Variants in ZNF626 observed in about 807,000 individuals in gnomAD.
The protein encoded by ZNF626 is CTC-513N18.7.
ZNF626 carries 4 observed loss-of-function variants against 11.7 expected under a neutral mutation model. That is an observed-to-expected ratio of 0.34 (90% CI 0.17 to 0.78). ZNF626 has a LOEUF of 0.78. Among genes scored for constraint, ZNF626 ranks in the 30% least tolerant of loss-of-function variants. The pLI is 0.57. For missense variants in ZNF626, 588 were observed against 587.1 expected (o/e 1.00, Z -0.01); for synonymous variants, 179 against 198.6 (o/e 0.90, Z 0.83).
In ZNF626 at chr19:20,625,563, T is replaced by G. The variant is rs782741617; in HGVS notation, c.314A>C (p.Lys105Thr). The change falls in exon 4 of 4, where the codon AAA (lysine) becomes ACA (threonine). Residue 105 changes from lysine to threonine, a missense_variant. Physicochemically the swap from Lys to Thr is moderately conservative, Grantham distance 78. This residue lies in a region of ZNF626 where 524 missense variants were observed against 470.1 expected (regional missense o/e 1.11). Transcript: ENST00000601440. Reference protein sequence around the residue: ...FQKVVLRRYEKCEHDNLQLKK... With the variant: ...FQKVVLRRYETCEHDNLQLKK... ...TAACTGTAAATTGTCATGTTCACAT[T>G]TTTCATATCTTCTCAGTACCACTTT... 5.0e-6 allele frequency: 8 copies of G among 1,612,238 alleles called. No homozygotes were observed. Among genetic ancestry groups the G allele is most frequent in the Non-Finnish European group, 6.8e-6 (8 of 1,179,232 alleles).
chr19:20,645,547 A>G (rs1286433945), intron 3 of ZNF626, 137 bp downstream of exon 3: 3 of 1,554,796 alleles, frequency 1.9e-6, no homozygotes, highest in African/African-American at 1.4e-5. Flanking sequence ...ACAAACAAAC[A>G]AACAAAAAAT....
rs1418471272 is a variant in ZNF626, at chr19:20,650,269, TAAAAC to T, written c.4-3869_4-3865del. Among the ~76,000 whole-genome samples, 5 of 151,306 alleles carry T rather than the reference TAAAAC, an allele frequency of 3.3e-5. No homozygotes were observed. In the East Asian group the frequency reaches 9.7e-4, roughly 29 times the overall value. On this transcript the variant is annotated intron_variant, in intron 1 of 3. Coordinates refer to ENST00000601440, the MANE Select transcript of ZNF626 (RefSeq NM_001076675.3). Reference sequence around the variant, plus strand: ...GTTAAAAAAAAAAACCATAAAAAATTAAAACTAAATATAGACAGATGAAAGAAATA... The same window carrying T: ...GTTAAAAAAAAAAACCATAAAAAATTTAAATATAGACAGATGAAAGAAATA...
intron 1 of ZNF626, among the ~76,000 whole-genome samples, chr19:20,650,270 AAAACT>A (rs1970132044): frequency 6.6e-6 from 1 of 152,016 alleles, no homozygotes; most frequent in Non-Finnish European, 1.5e-5. Context: ...ATAAAAAATT[AAAACT>A]AAATATAGAC....
intron 3 of ZNF626, chr19:20,644,689 T>TC (rs1430716934): frequency 1.1e-4 from 16 of 151,876 alleles, no homozygotes; most frequent in African/African-American, 3.9e-4. Context: ...AATAAATAAA[T>TC]CCATTGAAAT....
At chr19:20,635,612 C>A (rs73008335) in intron 3 of ZNF626, among the ~76,000 whole-genome samples, 1 of 151,732 alleles carries the variant, frequency 6.6e-6, no homozygotes, top group East Asian at 1.9e-4. Flanking sequence ...TAAGCCACCG[C>A]GCCCAGCCTA....
At position 20,621,808 on chromosome 19, in the gene ZNF626, C is replaced by T. The variant is rs1969761320; in HGVS notation, c.*2482G>A. 6.6e-6 allele frequency: 1 copy of T among 152,132 alleles called. No homozygotes were observed. The allele number at this position is 152,132 out of a possible 1,614,324, so 9.4% of individuals were successfully genotyped here. On this transcript the variant is annotated 3_prime_UTR_variant, in exon 4 of 4. Coordinates refer to ENST00000601440, the MANE Select transcript of ZNF626 (RefSeq NM_001076675.3). ...ATACTTCTTCCATCTTTTGCTTACA[C>T]CATTTGAGTAAGGCCGGATAGGTTA...
At chr19:20,642,407 G>C (rs553328797) in intron 3 of ZNF626, among the ~76,000 whole-genome samples, 1 of 152,240 alleles carries the variant, frequency 6.6e-6, no homozygotes, top group East Asian at 1.9e-4. Flanking sequence ...AGATTAGCCT[G>C]AACAATATGG....
intron 3 of ZNF626, among the ~76,000 whole-genome samples, chr19:20,639,115 G>C (rs1969996385): frequency 6.6e-6 from 1 of 152,194 alleles, no homozygotes; most frequent in Non-Finnish European, 1.5e-5. Flanking sequence ...GACAGAGCAA[G>C]TGTGAGGTGA....
At chr19:20,634,187 A>G (rs1969940791) in intron 3 of ZNF626, among the ~76,000 whole-genome samples, 1 of 152,236 alleles carries the variant, frequency 6.6e-6, no homozygotes, top group Admixed American at 6.5e-5. Flanking sequence ...AAAACTGAAT[A>G]AACACAAAGA....
chr19:20,625,261 AT>A lies in ZNF626; in HGVS notation c.615del (p.Glu205AspfsTer73). The A allele has an allele frequency of 6.2e-7, 1 of 1,613,856 alleles. No homozygotes were observed. The highest frequency in any genetic ancestry group is 8.5e-7 in the Non-Finnish European group (1 of 1,179,992). Reference sequence around the variant, plus strand: ...CAAGAGTGGTTAAAGGCTTTGCCACATTCTTCACATTTGTAGGGTTTCCCTC... The same window carrying A: ...CAAGAGTGGTTAAAGGCTTTGCCACATCTTCACATTTGTAGGGTTTCCCTC... ...HTGGKPYKCE[E>X]CGKAFNHSCS... On this transcript the variant is annotated frameshift_variant, in exon 4 of 4. Coordinates refer to ENST00000601440, the MANE Select transcript of ZNF626 (RefSeq NM_001076675.3). LOFTEE classifies it low-confidence loss of function (END_TRUNC).
chr19:20,632,520 C>T (rs192100408), intron 3 of ZNF626, among the ~76,000 whole-genome samples: 102 of 152,216 alleles, frequency 6.7e-4, no homozygotes, highest in Non-Finnish European at 1.2e-3. Flanking sequence ...CTTCTCTTCT[C>T]GCTTCATTTC....
intron 1 of ZNF626, among the ~76,000 whole-genome samples, chr19:20,649,875 G>A (rs1970126822): frequency 6.6e-6 from 1 of 152,168 alleles, no homozygotes; most frequent in Non-Finnish European, 1.5e-5. Context: ...ACAGCACAAG[G>A]TCTCTTATTA....
At chr19:20,628,034 GT>G (rs1969860421) in intron 3 of ZNF626, among the ~76,000 whole-genome samples, 1 of 152,064 alleles carries the variant, frequency 6.6e-6, no homozygotes, top group Non-Finnish European at 1.5e-5. Flanking sequence ...GCGGTGTTTG[GT>G]TTTTTGTCCT....
intron 1 of ZNF626, among the ~76,000 whole-genome samples, chr19:20,656,655 A>C (rs782645353): frequency 4.0e-5 from 6 of 151,434 alleles, no homozygotes; most frequent in Non-Finnish European, 5.9e-5. Context: ...TGTCAAAAGA[A>C]GACATACATG....
In ZNF626 at chr19:20,623,436, A is replaced by G. The variant is rs1376642444; in HGVS notation, c.*854T>C. On this transcript the variant is annotated 3_prime_UTR_variant, in exon 4 of 4. Transcript: ENST00000601440. ...ATAGAAAGGATGGAAGTGTTGAAAAAAGCACTGTCACATCTTTCAGGTTTG... is the reference window on the plus strand; with the variant it reads ...ATAGAAAGGATGGAAGTGTTGAAAAGAGCACTGTCACATCTTTCAGGTTTG... The G allele has an allele frequency of 6.6e-6, 1 of 152,396 alleles. No homozygotes were observed. Among genetic ancestry groups the G allele is most frequent in the Non-Finnish European group, 1.5e-5 (1 of 68,176 alleles). 9.4% of individuals were successfully genotyped at this position (152,396 alleles called of 1,614,324 possible).
intron 3 of ZNF626, among the ~76,000 whole-genome samples, chr19:20,634,803 CTCAATAATCT>C (rs2144773744): frequency 6.6e-6 from 1 of 152,198 alleles, no homozygotes; most frequent in African/African-American, 2.4e-5. Flanking sequence ...TAATAAAGTA[CTCAATAATCT>C]TCAAGGAATA....
At chr19:20,631,725 G>A (rs1287858935) in intron 3 of ZNF626, among the ~76,000 whole-genome samples, 6 of 150,970 alleles carry the variant, frequency 4.0e-5, no homozygotes, top group Non-Finnish European at 8.8e-5. Flanking sequence ...ACACTGATGG[G>A]TCTTGACTCT....
chr19:20,637,113 A>G (rs2144775960), intron 3 of ZNF626, among the ~76,000 whole-genome samples: 1 of 152,176 alleles, frequency 6.6e-6, no homozygotes, highest in African/African-American at 2.4e-5. Context: ...AACAAAACAA[A>G]ACAAAACAAA....
At chr19:20,661,357 G>T in intron 1 of ZNF626, 87 bp downstream of exon 1, 1 of 1,548,162 alleles carries the variant, frequency 6.5e-7, no homozygotes, top group Non-Finnish European at 8.9e-7. Flanking sequence ...AGCTGACTGC[G>T]GGGAGGCCTG....
Sources: gnomAD v4.1 joint callset for allele counts (sites outside exome capture counted in the v4.1 genomes callset) on GRCh38, gnomAD v4.1.1 for gene constraint, gnomAD v4.1.1 regional missense constraint, MANE v1.5 for transcripts, NCBI Gene and HGNC (gene_info 2026-07-23, HGNC 2026-07-21) for gene names.